The following ZNF652 variants were observed in gnomAD, a reference collection of about 807,000 sequenced individuals.
ZNF652 encodes zinc finger protein 652.
Under a neutral mutation model 45.2 loss-of-function variants are expected in ZNF652, and 16 were observed. The observed-to-expected ratio is 0.35, with a 90% CI of 0.24 to 0.54. The LOEUF (loss-of-function observed/expected upper bound fraction) is 0.54, where lower values mean the gene tolerates loss of function less well. Ranked by LOEUF, ZNF652 falls within the 20% of genes least tolerant of loss-of-function variation. The pLI is 0.91. For missense variants in ZNF652, 614 were observed against 765.6 expected, an observed-to-expected ratio of 0.80 and a Z score of 2.34; for synonymous variants, 250 against 260.6, an observed-to-expected ratio of 0.96 and a Z score of 0.39.
intron 1 of ZNF652, among the ~76,000 whole-genome samples, chr17:49,355,839 A>G (rs879292466): frequency 6.6e-6 from 1 of 152,048 alleles, no homozygotes; most frequent in Non-Finnish European, 1.5e-5. Context: ...CGGAGGTTGC[A>G]GTGAGCCGAG....
chr17:49,346,270 G>GA (rs2070203974), intron 1 of ZNF652, among the ~76,000 whole-genome samples: 3 of 152,240 alleles, frequency 2.0e-5, no homozygotes, highest in Non-Finnish European at 4.4e-5. Flanking sequence ...AAACAAACAG[G>GA]ATGGGCTCAG....
rs762310804 is a variant in ZNF652, at chr17:49,298,959, A to G, written c.1310-35T>C. On this transcript the variant is annotated intron_variant, in intron 5 of 5. Transcript: ENST00000430262. ...ACACAGACATAAAAATGATTAACATATTAGGTGGTAATTGTGTGCTCAAGC... is the reference window on the plus strand; with the variant it reads ...ACACAGACATAAAAATGATTAACATGTTAGGTGGTAATTGTGTGCTCAAGC... 68 of 1,563,856 alleles carry G rather than the reference A, an allele frequency of 4.3e-5. No homozygotes were observed. The South Asian group carries it at 7.6e-4, about 17-fold the overall frequency.
chr17:49,325,817 TTTTC>T (rs1191217308), intron 1 of ZNF652, among the ~76,000 whole-genome samples: 2 of 152,258 alleles, frequency 1.3e-5, no homozygotes, highest in Admixed American at 6.5e-5. Context: ...GTTAATTTTA[TTTTC>T]TTTAATTTTT....
At chr17:49,309,174 G>A (rs1159547205) in intron 5 of ZNF652, among the ~76,000 whole-genome samples, 3 of 151,772 alleles carry the variant, frequency 2.0e-5, no homozygotes, top group African/African-American at 7.3e-5. Context: ...GTGTGAATAT[G>A]ACACAACTTC....
At chr17:49,361,404 G>C (rs952405374) in intron 1 of ZNF652, among the ~76,000 whole-genome samples, 18 of 152,184 alleles carry the variant, frequency 1.2e-4, no homozygotes, top group Non-Finnish European at 2.2e-4. Context: ...ACTGGGGTGA[G>C]TGTGGGGCTG....
intron 1 of ZNF652, among the ~76,000 whole-genome samples, chr17:49,346,637 T>G (rs2070208239): frequency 6.6e-6 from 1 of 152,258 alleles, no homozygotes; most frequent in Non-Finnish European, 1.5e-5. Context: ...TCAAACTTAT[T>G]TTAGACATTC....
In ZNF652 at chr17:49,298,672, T is replaced by A. The variant is rs554269984; in HGVS notation, c.1562A>T (p.Asn521Ile). 1.9e-6 allele frequency: 3 copies of A among 1,613,954 alleles called. No individual in the cohort carries two copies. The highest frequency in any genetic ancestry group is 2.5e-6 in the Non-Finnish European group (3 of 1,179,992). ...TGGAGGGGTTGGGGTTGTGGCTGTG[T>A]TCACCACAGAAGGAACTGGGGTGGC... The part of the protein sequence containing the change: ...SPATPVPSVV[N>I]TATTPTPPIN... The change falls in exon 6 of 6, where the codon AAC (asparagine) becomes ATC (isoleucine). Residue 521 changes from asparagine (N) to isoleucine (I), a missense_variant. By Grantham distance (149) the Asn-to-Ile change is moderately radical (BLOSUM62 -3). Transcript: ENST00000430262.
At position 49,298,608 on chromosome 17, in the gene ZNF652, G is replaced by A. The variant is rs1034259020; in HGVS notation, c.1626C>T (p.Pro542=). Residue 542 remains proline, a synonymous_variant, in exon 6 of 6, where the codon CCC becomes CCT. Coordinates refer to ENST00000430262, the MANE Select transcript of ZNF652 (RefSeq NM_001145365.3). ...GCAGGTGTGAGAAGGGGTGGGGGAT[G>A]GGCCGAGGGGGAAGAGTGCTTACAG... ...MNPVSTLPPR[P]IPHPFSHLHI... is the part of the protein sequence containing the mutation. 1 of 1,612,838 alleles carries A rather than the reference G, an allele frequency of 6.2e-7. No homozygotes were observed. The highest frequency in any genetic ancestry group is 8.5e-7 in the Non-Finnish European group (1 of 1,179,498).
intron 1 of ZNF652, among the ~76,000 whole-genome samples, chr17:49,337,885 T>A (rs1192288023): frequency 6.6e-6 from 1 of 152,208 alleles, no homozygotes; most frequent in African/African-American, 2.4e-5. Context: ...AGAAAATATT[T>A]ATTCTTTAAA....
At chr17:49,325,208 T>C (rs1229522732) in intron 1 of ZNF652, among the ~76,000 whole-genome samples, 1 of 152,182 alleles carries the variant, frequency 6.6e-6, no homozygotes, top group Non-Finnish European at 1.5e-5. Flanking sequence ...GAGGGGTGAC[T>C]CTTCCCTTCA....
chr17:49,295,948 A>AAAAAC lies in ZNF652; in HGVS notation c.*2464_*2465insGTTTT, dbSNP rs1567909806. 1.6e-5 allele frequency: 2 copies of AAAAAC among 123,066 alleles called. No homozygotes were observed. Among genetic ancestry groups the AAAAAC allele is most frequent in the African/African-American group, 7.1e-5 (2 of 28,326 alleles). 7.6% of individuals were successfully genotyped at this position (123,066 alleles called of 1,614,324 possible). A position where few individuals can be genotyped will look rare whatever the true frequency, so the allele number is the denominator to read the frequency against. ...ACAAGACTCTGCCTCAAAAAAAAAA[A>AAAAAC]AAAAAAAAAAAAAAAAACAGAACAA... On this transcript the variant is annotated 3_prime_UTR_variant, in exon 6 of 6. Transcript: ENST00000430262.
At chr17:49,324,862 T>C (rs1377487037) in intron 1 of ZNF652, among the ~76,000 whole-genome samples, 1 of 149,828 alleles carries the variant, frequency 6.7e-6, no homozygotes, top group Non-Finnish European at 1.5e-5. Context: ...TGCCTCAGCC[T>C]ACCGAGTAGC....
chr17:49,348,778 G>A (rs2070239381), intron 1 of ZNF652, among the ~76,000 whole-genome samples: 1 of 152,074 alleles, frequency 6.6e-6, no homozygotes, highest in African/African-American at 2.4e-5. Flanking sequence ...TGTAGTGAGT[G>A]TAGCAATCCT....
chr17:49,357,930 T>G (rs1449449120), intron 1 of ZNF652, among the ~76,000 whole-genome samples: 1 of 152,190 alleles, frequency 6.6e-6, no homozygotes, highest in Non-Finnish European at 1.5e-5. Context: ...TTTGCAATTT[T>G]TTCATCCCAA....
intron 5 of ZNF652, among the ~76,000 whole-genome samples, chr17:49,310,924 C>G (rs1308706233): frequency 1.3e-5 from 2 of 151,960 alleles, no homozygotes. Context: ...AAACAAAAAA[C>G]AGAGAGAGAG....
intron 5 of ZNF652, among the ~76,000 whole-genome samples, chr17:49,301,751 G>T (rs1050522992): frequency 2.0e-5 from 3 of 152,026 alleles, no homozygotes; most frequent in African/African-American, 7.2e-5. Flanking sequence ...TTCTGGCAGG[G>T]TGTGTTGTTT....
intron 1 of ZNF652, among the ~76,000 whole-genome samples, chr17:49,333,158 C>T (rs1447996970): frequency 2.6e-5 from 4 of 151,490 alleles, no homozygotes; most frequent in Non-Finnish European, 4.4e-5. Flanking sequence ...CCTGGGTTCA[C>T]GCCATTCTCC....
intron 1 of ZNF652, among the ~76,000 whole-genome samples, chr17:49,356,654 T>C (rs1330925331): frequency 1.4e-5 from 2 of 147,324 alleles, no homozygotes; most frequent in Non-Finnish European, 3.0e-5. Flanking sequence ...AAGACCACCA[T>C]ATTTCAATCC....
chr17:49,353,527 A>G (rs992878157), intron 1 of ZNF652, among the ~76,000 whole-genome samples: 1 of 151,684 alleles, frequency 6.6e-6, no homozygotes, highest in Non-Finnish European at 1.5e-5. Flanking sequence ...CCCGGGCTAG[A>G]GTGATGTGAT....
Sources: gnomAD v4.1 joint callset for allele counts (sites outside exome capture counted in the v4.1 genomes callset) on GRCh38, gnomAD v4.1.1 for gene constraint, MANE v1.5 for transcripts, NCBI Gene and HGNC (gene_info 2026-07-23, HGNC 2026-07-21) for gene names.